GP2: variants seen among roughly 807,000 people sequenced by gnomAD.
GP2 encodes glycoprotein 2.
GP2 carries 58 observed loss-of-function variants against 60.8 expected under a neutral mutation model. The observed-to-expected ratio is 0.95, with a 90% CI of 0.77 to 1.19. The LOEUF is 1.19. Ranked by LOEUF, GP2 falls within the 50% of genes most tolerant of loss-of-function variation. The probability of loss-of-function intolerance (pLI) is 0.00; values close to 1 mark genes in which losing one functional copy is unlikely to be tolerated. For synonymous variants in GP2, 280 were observed against 253.4 expected (o/e 1.10, Z -1.00); for missense variants, 647 against 667.4 (o/e 0.97, Z 0.34).
intron 4 of GP2, 46 bp downstream of exon 4, chr16:20,322,823 C>T (rs775993706): frequency 2.9e-6 from 3 of 1,045,216 alleles, no homozygotes; most frequent in East Asian, 4.7e-5. Flanking sequence ...CTCCCTCCTG[C>T]CCTGCCCCCT....
intron 3 of GP2, 113 bp from the exon 4 acceptor site, chr16:20,323,092 G>A: frequency 1.5e-6 from 1 of 648,320 alleles, no homozygotes; most frequent in Non-Finnish European, 2.8e-6. Context: ...CCAAGGTTGT[G>A]TGATACTTAG....
intron 9 of GP2, 24 bp downstream of exon 9, chr16:20,315,932 T>G (rs753517085): frequency 4.7e-6 from 7 of 1,496,218 alleles, no homozygotes; most frequent in Non-Finnish European, 6.5e-6. Flanking sequence ...CAGCTGGTCT[T>G]GTCACTGGGA....
Position 20,315,698 on chromosome 16 carries a change from C to T in GP2, c.1501+258G>A, listed in dbSNP as rs182030215. Among the ~76,000 whole-genome samples, 177 of 152,250 alleles carry T rather than the reference C, an allele frequency of 1.2e-3. 1 individual carries two copies. The highest frequency in any genetic ancestry group is 1.9e-3 in the Non-Finnish European group (131 of 68,008). The stretch of plus-strand genomic sequence containing the variant: ...ATCTCTCTGAGTCTTAGTTTCTCAC[C>T]TGTAAAATGGACATAGGCATGGGAG... On this transcript the variant is annotated intron_variant, in intron 9 of 10. Coordinates refer to ENST00000302555, the MANE Select transcript of GP2 (RefSeq NM_001502.4).
Position 20,310,477 on chromosome 16 carries a change from G to C in GP2, c.*746C>G, listed in dbSNP as rs973905845. The C allele has an allele frequency of 3.3e-5, 5 of 152,224 alleles. No individual in the cohort carries two copies. Among genetic ancestry groups the C allele is most frequent in the Non-Finnish European group, 7.3e-5 (5 of 68,074 alleles). 9.4% of individuals were successfully genotyped at this position (152,224 alleles called of 1,614,324 possible). ...TTGGAAACCATGATAGAAACAATCA[G>C]AGGAAGCAGAGTGAACACAAGGGTC... On this transcript the variant is annotated 3_prime_UTR_variant, in exon 11 of 11. Transcript: ENST00000302555.
intron 4 of GP2, 28 bp downstream of exon 4, chr16:20,322,841 G>A: frequency 8.2e-7 from 1 of 1,217,158 alleles, no homozygotes. Flanking sequence ...CCTCAGGATG[G>A]TAGTTACTTG....
At chr16:20,315,310 TA>T (rs1964129355) in intron 9 of GP2, among the ~76,000 whole-genome samples, 1 of 152,056 alleles carries the variant, frequency 6.6e-6, no homozygotes, top group African/African-American at 2.4e-5. Flanking sequence ...TTAATTCCTT[TA>T]GGGGAAAAAA....
At chr16:20,327,390 A>G (rs1216931648) in intron 1 of GP2, 77 bp downstream of exon 1, 6 of 1,067,942 alleles carry the variant, frequency 5.6e-6, no homozygotes, top group East Asian at 1.2e-4. Flanking sequence ...CCAGAAACAA[A>G]GAATCCTAGC....
At chr16:20,326,601 A>T in intron 1 of GP2, 134 bp from the exon 2 acceptor site, 1 of 699,806 alleles carries the variant, frequency 1.4e-6, no homozygotes, top group South Asian at 2.0e-5. Flanking sequence ...GAGCGAGATA[A>T]TGGGTGATAA....
intron 4 of GP2, among the ~76,000 whole-genome samples, 156 bp downstream of exon 4, chr16:20,322,713 C>G (rs1400036608): frequency 6.6e-6 from 1 of 152,194 alleles, no homozygotes; most frequent in Non-Finnish European, 1.5e-5. Context: ...TGCAAACCCA[C>G]TGGCTTTACA....
At chr16:20,326,527 A>T in intron 1 of GP2, 60 bp from the exon 2 acceptor site, 1 of 1,358,850 alleles carries the variant, frequency 7.4e-7, no homozygotes, top group Non-Finnish European at 1.0e-6. Context: ...TTAGAAACAG[A>T]TCCGTTGACT....
intron 6 of GP2, 22 bp from the exon 7 acceptor site, chr16:20,318,452 G>A: frequency 6.2e-7 from 1 of 1,608,806 alleles, no homozygotes; most frequent in African/African-American, 1.3e-5. Context: ...AAAGCCACAA[G>A]AGTGGAAACC....
At chr16:20,324,361 G>C in intron 2 of GP2, 105 bp from the exon 3 acceptor site, 1 of 663,484 alleles carries the variant, frequency 1.5e-6, no homozygotes. Flanking sequence ...ACTCCAATGA[G>C]GACAATACAC....
At chr16:20,327,413 T>A (rs959501280) in intron 1 of GP2, 54 bp downstream of exon 1, 13 of 1,209,886 alleles carry the variant, frequency 1.1e-5, no homozygotes, top group South Asian at 1.4e-5. Context: ...GTCCAGTGGA[T>A]CAAGATTTCC....
intron 10 of GP2, 62 bp from the exon 11 acceptor site, chr16:20,311,343 T>G: frequency 1.0e-6 from 1 of 975,568 alleles, no homozygotes; most frequent in African/African-American, 1.6e-5. Context: ...CAAACATAAG[T>G]TGGCCTCTTT....
At chr16:20,321,808 C>A (rs890072994) in intron 4 of GP2, among the ~76,000 whole-genome samples, 1 of 152,110 alleles carries the variant, frequency 6.6e-6, no homozygotes, top group African/African-American at 2.4e-5. Flanking sequence ...CAATGGGGCC[C>A]ACTGGACACT....
chr16:20,322,778 C>T (rs1010001439), intron 4 of GP2, 91 bp downstream of exon 4: 1 of 697,692 alleles, frequency 1.4e-6, no homozygotes, highest in African/African-American at 1.8e-5. Context: ...GCCCCTGACT[C>T]TGCTTTATAC....
At position 20,315,991 on chromosome 16, in the gene GP2, G is replaced by A; in HGVS notation, c.1466C>T (p.Ala489Val). Residue 489 changes from alanine to valine, a missense_variant, in exon 9 of 11, where the codon GCC becomes GTC. Physicochemically the swap from Ala to Val is moderately conservative, Grantham distance 64. Coordinates refer to ENST00000302555, the MANE Select transcript of GP2 (RefSeq NM_001502.4). Reference protein sequence around the residue: ...VRSEVPAIDLARVLDLGPITR... With the variant: ...VRSEVPAIDLVRVLDLGPITR... ...GATGGGCCCCAAATCTAGAACCCGG[G>A]CTAGGTCGATGGCCGGTACTTCACT... The A allele has an allele frequency of 6.2e-7, 1 of 1,613,254 alleles. No homozygotes were observed. Among genetic ancestry groups the A allele is most frequent in the Non-Finnish European group, 8.5e-7 (1 of 1,179,268 alleles).
chr16:20,310,742 A>ATGT lies in GP2; in HGVS notation c.*478_*480dup, dbSNP rs1963970462. The ATGT allele has an allele frequency of 6.8e-6, 1 of 147,236 alleles. No homozygotes were observed. The highest frequency in any genetic ancestry group is 1.5e-5 in the Non-Finnish European group (1 of 68,832). The allele number at this position is 147,236 out of a possible 1,614,324, so 9.1% of individuals were successfully genotyped here. ...AGGACAGATTGACAGAAACCCCACT[A>ATGT]TGTTGCTTTTCTTTTTTTTTTTTTT... On this transcript the variant is annotated 3_prime_UTR_variant, in exon 11 of 11. Coordinates refer to ENST00000302555, the MANE Select transcript of GP2 (RefSeq NM_001502.4).
At chr16:20,315,156 C>T (rs1964122528) in intron 9 of GP2, among the ~76,000 whole-genome samples, 1 of 152,160 alleles carries the variant, frequency 6.6e-6, no homozygotes, top group South Asian at 2.1e-4. Context: ...ATGAGACAGC[C>T]TCCATTTGCT....
Sources: gnomAD v4.1 joint callset for allele counts (sites outside exome capture counted in the v4.1 genomes callset) on GRCh38, gnomAD v4.1.1 for gene constraint, MANE v1.5 for transcripts, NCBI Gene and HGNC (gene_info 2026-07-23, HGNC 2026-07-21) for gene names.